Variants in LRGUK observed in about 807,000 individuals in gnomAD.
LRGUK encodes leucine-rich repeat and guanylate kinase domain-containing protein.
In LRGUK, 65 loss-of-function variants were observed where a neutral mutation model predicts 76.0. The observed-to-expected ratio is 0.85, with a 90% CI of 0.70 to 1.05. LRGUK has a LOEUF of 1.05. Ranked by LOEUF, LRGUK falls within the 50% of genes least tolerant of loss-of-function variation. The pLI is 0.00. For synonymous variants in LRGUK, 268 were observed against 265.6 expected, an observed-to-expected ratio of 1.01 and a Z score of -0.09; for missense variants, 758 against 732.8, an observed-to-expected ratio of 1.03 and a Z score of -0.40.
chr7:134,254,029 T>C (rs1394388274), intron 18 of LRGUK, among the ~76,000 whole-genome samples: 1 of 152,090 alleles, frequency 6.6e-6, no homozygotes, highest in African/African-American at 2.4e-5. Context: ...AACAGATAAA[T>C]GAGCAAAAGA....
intron 11 of LRGUK, among the ~76,000 whole-genome samples, chr7:134,184,209 T>G (rs1799882242): frequency 6.6e-6 from 1 of 152,168 alleles, no homozygotes; most frequent in South Asian, 2.1e-4. Flanking sequence ...ATTGCTAAAG[T>G]GTACTCCTGG....
intron 13 of LRGUK, among the ~76,000 whole-genome samples, chr7:134,198,028 T>C (rs1051913081): frequency 2.0e-5 from 3 of 152,196 alleles, no homozygotes; most frequent in Non-Finnish European, 4.4e-5. Context: ...CTTTTTTCCT[T>C]TGTGACTTCA....
At chr7:134,213,406 T>A (rs1456174016), downstream of LRGUK, among the ~76,000 whole-genome samples, 1 of 152,032 alleles carries the variant, frequency 6.6e-6, no homozygotes, top group Non-Finnish European at 1.5e-5. Context: ...AATATTTAGA[T>A]TGCATGTGGG....
intron 5 of LRGUK, among the ~76,000 whole-genome samples, chr7:134,153,414 ATATACT>A (rs1019008234): frequency 6.6e-6 from 1 of 152,128 alleles, no homozygotes; most frequent in African/African-American, 2.4e-5. Context: ...GTTTATGTAA[ATATACT>A]TATTCTTAAG....
At chr7:134,210,604 G>C (rs986873721), downstream of LRGUK, among the ~76,000 whole-genome samples, 1 of 152,188 alleles carries the variant, frequency 6.6e-6, no homozygotes, top group African/African-American at 2.4e-5. Flanking sequence ...CTGCGGAGTC[G>C]CTACAGGATA....
At chr7:134,185,174 T>C (rs1242957365) in intron 11 of LRGUK, among the ~76,000 whole-genome samples, 4 of 152,086 alleles carry the variant, frequency 2.6e-5, no homozygotes, top group Admixed American at 1.3e-4. Flanking sequence ...TAGAGGAACA[T>C]ATCCGAAAAA....
At chr7:134,152,979 G>T (rs1220642266) in intron 5 of LRGUK, among the ~76,000 whole-genome samples, 1 of 151,942 alleles carries the variant, frequency 6.6e-6, no homozygotes, top group Non-Finnish European at 1.5e-5. Context: ...AGACAACTGA[G>T]CATAGTTACT....
intron 5 of LRGUK, among the ~76,000 whole-genome samples, chr7:134,154,070 G>T (rs1389119408): frequency 6.6e-6 from 1 of 152,066 alleles, no homozygotes; most frequent in Non-Finnish European, 1.5e-5. Flanking sequence ...GTGCCACAGG[G>T]TTCCTTCATT....
chr7:134,199,142 C>A, intron 13 of LRGUK, 78 bp from the exon 14 acceptor site: 1 of 1,082,130 alleles, frequency 9.2e-7, no homozygotes, highest in East Asian at 2.4e-5. Context: ...TTCTTATACC[C>A]ATGTTGTCAG....
At chr7:134,255,753 A>G (rs573708511) in intron 18 of LRGUK, among the ~76,000 whole-genome samples, 1 of 148,818 alleles carries the variant, frequency 6.7e-6, no homozygotes, top group South Asian at 2.1e-4. Context: ...GTTCGCCTAC[A>G]TTTATACCTG....
At position 134,255,222 on chromosome 7, in the gene LRGUK, AACACACACAC is replaced by A. The variant is rs66632170; in HGVS notation, c.2199-3001_2199-2992del. On this transcript the variant is annotated intron_variant, in intron 18 of 19. Coordinates refer to the LRGUK transcript ENST00000285928. ...CTGGGAATGTGACATATGTTATCTC[AACACACACAC>A]ACACACACACACACACACACACACA... Among the ~76,000 whole-genome samples the A allele has an allele frequency of 5.4e-3, 778 of 143,154 alleles. 3 individuals are homozygous for A. Among genetic ancestry groups the A allele is most frequent in the South Asian group, 0.019 (81 of 4,274 alleles). The allele number at this position is 143,154 out of a possible 152,430, so 93.9% of individuals were successfully genotyped here.
chr7:134,226,539 G>A (rs1048983347), intron 16 of LRGUK, among the ~76,000 whole-genome samples: 8 of 152,118 alleles, frequency 5.3e-5, no homozygotes, highest in African/African-American at 1.9e-4. Context: ...AACTAGCTGG[G>A]TAAGTACATG....
intron 16 of LRGUK, among the ~76,000 whole-genome samples, chr7:134,242,604 A>G (rs1327645720): frequency 6.6e-6 from 1 of 152,192 alleles, no homozygotes; most frequent in Non-Finnish European, 1.5e-5. Flanking sequence ...ATGGATTCAC[A>G]CCTAAATTCT....
chr7:134,160,494 A>G (rs1032836439), intron 6 of LRGUK, among the ~76,000 whole-genome samples: 3 of 152,268 alleles, frequency 2.0e-5, no homozygotes, highest in Admixed American at 6.5e-5. Context: ...TAATGCTTTT[A>G]TTTTTAATTC....
the LRGUK span, among the ~76,000 whole-genome samples, chr7:134,270,355 A>C: frequency 6.6e-6 from 1 of 152,184 alleles, no homozygotes; most frequent in Non-Finnish European, 1.5e-5. Context: ...ATCTTTTAAA[A>C]AGGCACAAGA....
chr7:134,258,510 C>A, intron 19 of LRGUK, 105 bp downstream of exon 19: 4 of 1,068,766 alleles, frequency 3.7e-6, no homozygotes, highest in Non-Finnish European at 5.2e-6. Flanking sequence ...CCAGCCTGGC[C>A]AAAATTGTGA....
chr7:134,137,542 AAG>A (rs1797587389), intron 2 of LRGUK, among the ~76,000 whole-genome samples: 7 of 152,148 alleles, frequency 4.6e-5, no homozygotes, highest in Admixed American at 3.9e-4. Flanking sequence ...TTTCCCCACT[AAG>A]TATGTCAAGA....
chr7:134,255,012 C>T (rs1246734098), intron 18 of LRGUK, among the ~76,000 whole-genome samples: 4 of 151,936 alleles, frequency 2.6e-5, no homozygotes, highest in African/African-American at 4.8e-5. Context: ...GTCTATAATG[C>T]GTATGATTTA....
chr7:134,275,454 G>C, the LRGUK span, among the ~76,000 whole-genome samples: 9,679 of 152,162 alleles, frequency 0.064, 873 homozygotes, highest in African/African-American at 0.19. Context: ...GGAGAGATGA[G>C]AGGTGAGAAA....
Sources: gnomAD v4.1 joint callset for allele counts (sites outside exome capture counted in the v4.1 genomes callset) on GRCh38, gnomAD v4.1.1 for gene constraint, MANE v1.5 for transcripts, NCBI Gene and HGNC (gene_info 2026-07-23, HGNC 2026-07-21) for gene names.